Variants in PAX2 observed in about 807,000 individuals in gnomAD.
PAX2 encodes paired box 2, also known as paired box protein Pax-2.
A neutral mutation model predicts 41.7 loss-of-function variants in PAX2; 9 were observed. That is an observed-to-expected ratio of 0.22 (90% CI 0.13 to 0.38). The LOEUF (loss-of-function observed/expected upper bound fraction) is 0.38. PAX2 is among the 10% of genes least tolerant of loss of function. PAX2 has a pLI of 1.00. For synonymous variants in PAX2, 221 were observed against 212.7 expected (o/e 1.04, Z -0.34); for missense variants, 418 against 531.6 (o/e 0.79, Z 2.10).
intron 3 of PAX2, among the ~76,000 whole-genome samples, chr10:100,777,124 C>T (rs1364352643): frequency 3.8e-5 from 5 of 130,780 alleles, no homozygotes; most frequent in Non-Finnish European, 6.2e-5. Context: ...TTTTTTGAGA[C>T]GGAGTCTTAC....
chr10:100,740,729 T>C (rs1844923720), upstream of PAX2, among the ~76,000 whole-genome samples: 2 of 151,900 alleles, frequency 1.3e-5, no homozygotes, highest in South Asian at 4.2e-4. Flanking sequence ...ACTGTGTATG[T>C]AGTGGCTGTC....
Position 100,748,896 on chromosome 10 carries a change from CT to C in PAX2, c.44-849del. The C allele has an allele frequency of 1.0e-6, 1 of 985,398 alleles. No homozygotes were observed. The highest frequency in any genetic ancestry group is 1.2e-6 in the Non-Finnish European group (1 of 829,924). The allele number at this position is 985,398 out of a possible 1,614,324, so 61.0% of individuals were successfully genotyped here. On this transcript the variant is annotated intron_variant, in intron 1 of 9. Transcript: ENST00000355243. The surrounding 1 kb of genome is among the most constrained non-coding windows in gnomAD (Gnocchi z 5.0). Reference sequence around the variant, plus strand: ...GCCAGCGAGGCCTATGCCGTGCCACCTGGGCGAGACGGTGGGCCCCAACCAG... The same window carrying C: ...GCCAGCGAGGCCTATGCCGTGCCACCGGGCGAGACGGTGGGCCCCAACCAG...
chr10:100,752,454 C>A (rs542476300), intron 3 of PAX2, among the ~76,000 whole-genome samples: 1 of 152,236 alleles, frequency 6.6e-6, no homozygotes, highest in African/African-American at 2.4e-5. Context: ...GGGAAGGGGA[C>A]AAAGCATTGT....
At chr10:100,765,920 ATC>A in intron 3 of PAX2, among the ~76,000 whole-genome samples, 1 of 10,504 alleles carries the variant, frequency 9.5e-5, no homozygotes, top group Admixed American at 1.1e-3. Context: ...TATATTTATC[ATC>A]ATCATCATCA....
At chr10:100,761,269 AGTAC>A (rs1845833880) in intron 3 of PAX2, among the ~76,000 whole-genome samples, 1 of 151,842 alleles carries the variant, frequency 6.6e-6, no homozygotes, top group African/African-American at 2.4e-5. Flanking sequence ...TCCTGCAGAG[AGTAC>A]AGCCCTGGTT....
chr10:100,786,838 T>C, intron 5 of PAX2: 2 of 595,298 alleles, frequency 3.4e-6, no homozygotes, highest in Non-Finnish European at 6.0e-6. Flanking sequence ...CTTGTAGCCC[T>C]TAGAAGGGGA....
intron 3 of PAX2, among the ~76,000 whole-genome samples, chr10:100,758,431 C>T (rs1459711662): frequency 2.0e-5 from 3 of 151,928 alleles, no homozygotes; most frequent in African/African-American, 4.8e-5. Flanking sequence ...TGAGCCACCG[C>T]GCCCGGCCGT....
chr10:100,824,534 T>C lies in PAX2; in HGVS notation c.920-114T>C. ...ACAGTGGCACACATACCCCTGCACGTCTGCACAGAGCTCTTTCCTCTCCAA... is the reference window on the plus strand; with the variant it reads ...ACAGTGGCACACATACCCCTGCACGCCTGCACAGAGCTCTTTCCTCTCCAA... On this transcript the variant is annotated intron_variant, in intron 7 of 9. Transcript: ENST00000355243. This position sits in a 1 kb window ranked among gnomAD's most constrained non-coding sequence, Gnocchi z 6.6. 1.2e-6 allele frequency: 1 copy of C among 817,608 alleles called. No homozygotes were observed. Among genetic ancestry groups the C allele is most frequent in the Non-Finnish European group, 2.2e-6 (1 of 460,822 alleles). 50.6% of individuals were successfully genotyped at this position (817,608 alleles called of 1,614,324 possible).
upstream of PAX2, among the ~76,000 whole-genome samples, chr10:100,741,486 G>A (rs1447834476): frequency 6.6e-6 from 1 of 151,674 alleles, no homozygotes; most frequent in Non-Finnish European, 1.5e-5. Context: ...GAGAGAATGG[G>A]GAGGAGGAGG....
intron 7 of PAX2, among the ~76,000 whole-genome samples, chr10:100,821,273 A>C (rs964792534): frequency 1.3e-5 from 2 of 152,346 alleles, no homozygotes; most frequent in Middle Eastern, 3.4e-3. Flanking sequence ...CTGTGTGCTA[A>C]TGAAGCAATT....
At chr10:100,744,158 G>A (rs1845060848), upstream of PAX2, among the ~76,000 whole-genome samples, 1 of 152,214 alleles carries the variant, frequency 6.6e-6, no homozygotes, top group Non-Finnish European at 1.5e-5. Context: ...GGTATCTGCC[G>A]CCCAGGCTCC....
rs541826748 is a variant in PAX2 at position 100,735,890 on chromosome 10, G to A, written c.25+157G>A. ...GGGGACTGAGGCTCTGCGGACTCTG[G>A]GGCCTCCTGGGCCGTCCCTCCCGGT... On this transcript the variant is annotated intron_variant, in intron 1 of 9. Coordinates refer to the PAX2 transcript ENST00000679374. 7.2e-5 allele frequency among the ~76,000 whole-genome samples: 11 copies of A among 152,326 alleles called. No individual in the cohort carries two copies. In the South Asian group the frequency reaches 1.9e-3, roughly 26 times the overall value.
chr10:100,757,795 C>T (rs1269658510), intron 3 of PAX2, among the ~76,000 whole-genome samples: 7 of 150,188 alleles, frequency 4.7e-5, no homozygotes, highest in East Asian at 2.0e-4. Flanking sequence ...GTAGATGAGG[C>T]GTGATGGCAG....
intron 5 of PAX2, among the ~76,000 whole-genome samples, chr10:100,806,194 C>A (rs905210946): frequency 6.6e-5 from 10 of 152,210 alleles, no homozygotes; most frequent in Non-Finnish European, 1.3e-4. Context: ...AGTGTGACCG[C>A]TCCATCTCTT....
chr10:100,735,576 C>G (rs906101562), exon 1 of PAX2: 2 of 718,596 alleles, frequency 2.8e-6, no homozygotes, highest in African/African-American at 3.7e-5. Flanking sequence ...GTTATCTGAG[C>G]CGCTTGGTGT....
rs1844769890 is a variant in PAX2, at chr10:100,736,016, T to C, written c.25+283T>C. Among the ~76,000 whole-genome samples the C allele has an allele frequency of 3.3e-5, 5 of 152,244 alleles. No homozygotes were observed. The South Asian group carries it at 1.0e-3, about 32-fold the overall frequency. On this transcript the variant is annotated intron_variant, in intron 1 of 9. Transcript: ENST00000679374. ...TCCTTTCTGTTGTGTGTTGAGGACT[T>C]TCTCGTTCTACTTTGGGCTACAGAT...
chr10:100,738,407 TA>T (rs1473927098), intron 1 of PAX2, among the ~76,000 whole-genome samples: 2 of 152,166 alleles, frequency 1.3e-5, no homozygotes, highest in African/African-American at 4.8e-5. Context: ...AGGTGCTGGA[TA>T]TGGGTCCCCA....
chr10:100,815,793 C>T (rs1265888145), intron 7 of PAX2, among the ~76,000 whole-genome samples: 1 of 152,204 alleles, frequency 6.6e-6, no homozygotes, highest in Admixed American at 6.5e-5. Flanking sequence ...TGTGCCACCT[C>T]AATCTCAGGT....
intron 5 of PAX2, among the ~76,000 whole-genome samples, chr10:100,797,786 G>T (rs1408719394): frequency 6.6e-6 from 1 of 152,178 alleles, no homozygotes; most frequent in African/African-American, 2.4e-5. Context: ...AAAAGCTCAG[G>T]AGATTTATAG....
Sources: gnomAD v4.1 joint callset for allele counts (sites outside exome capture counted in the v4.1 genomes callset) on GRCh38, gnomAD v4.1.1 for gene constraint, Gnocchi (gnomAD v3.1) non-coding constraint, MANE v1.5 for transcripts, NCBI Gene and HGNC (gene_info 2026-07-23, HGNC 2026-07-21) for gene names.